Variants in CEP70 observed in about 807,000 individuals in gnomAD.
CEP70 encodes the protein centrosomal protein 70, also known as centrosomal protein of 70 kDa.
Under a neutral mutation model 90.9 loss-of-function variants are expected in CEP70, and 70 were observed. The ratio of observed to expected loss-of-function variants is 0.77; its 90% CI spans 0.64 to 0.94. The LOEUF (loss-of-function observed/expected upper bound fraction) is 0.94, where lower values mean the gene tolerates loss of function less well. Ranked by LOEUF, CEP70 falls within the 40% of genes least tolerant of loss-of-function variation. The pLI is 0.00. For synonymous variants in CEP70, 220 were observed against 228.3 expected, an observed-to-expected ratio of 0.96 and a Z score of 0.33; for missense variants, 648 against 669.0, an observed-to-expected ratio of 0.97 and a Z score of 0.35.
At chr3:138,495,575 G>C (rs1219142916) in intron 17 of CEP70, among the ~76,000 whole-genome samples, 3 of 152,142 alleles carry the variant, frequency 2.0e-5, no homozygotes, top group Non-Finnish European at 4.4e-5. Context: ...CTGCCAGCTG[G>C]GTGCAGTGGC....
chr3:138,498,117 A>G lies in CEP70; in HGVS notation c.1653-7T>C. On this transcript the variant is annotated splice_polypyrimidine_tract_variant and splice_region_variant and intron_variant, in intron 16 of 17. Coordinates refer to ENST00000264982, the MANE Select transcript of CEP70 (RefSeq NM_024491.4). ...TTCCAATTTGTAGATAATGCTGTTT[A>G]AAAAATGCACAATTTAAACCTGATT... The G allele has an allele frequency of 6.2e-7, 1 of 1,609,774 alleles. No homozygotes were observed. Among genetic ancestry groups the G allele is most frequent in the Non-Finnish European group, 8.5e-7 (1 of 1,177,590 alleles).
chr3:138,528,515 A>G (rs1482943199), intron 10 of CEP70, among the ~76,000 whole-genome samples: 1 of 152,220 alleles, frequency 6.6e-6, no homozygotes, highest in Non-Finnish European at 1.5e-5. Flanking sequence ...CAAAGGAGCT[A>G]GAATGGTGCA....
intron 7 of CEP70, among the ~76,000 whole-genome samples, chr3:138,536,439 T>A (rs2038270938): frequency 6.6e-6 from 1 of 152,040 alleles, no homozygotes; most frequent in Non-Finnish European, 1.5e-5. Flanking sequence ...CCTAACTGCA[T>A]TATAATTTGG....
chr3:138,529,442 C>A lies in CEP70; in HGVS notation c.713G>T (p.Ser238Ile). ...GTAGTCGTTTTCTTCTTCTGACTGA[C>A]TTTCATCTTCTTTATATTGCCTATG... ...HTQRQYKEDESQSEEENDYRN... is the reference protein window; with the variant it reads ...HTQRQYKEDEIQSEEENDYRN... The change falls in exon 9 of 18, where the codon AGT (serine) becomes ATT (isoleucine). Residue 238 changes from serine (S) to isoleucine (I), a missense_variant. Ser to Ile is a moderately radical substitution (Grantham distance 142, BLOSUM62 -2). Transcript: ENST00000264982. 1 of 1,605,706 alleles carries A rather than the reference C, an allele frequency of 6.2e-7. No individual in the cohort carries two copies. Among genetic ancestry groups the A allele is most frequent in the Non-Finnish European group, 8.5e-7 (1 of 1,174,638 alleles).
rs868846952 is a variant in CEP70 at position 138,540,303 on chromosome 3, C to T, written c.466-2956G>A. The stretch of plus-strand genomic sequence containing the variant: ...TGAGGCCAGGAGTTCGAGACCAGCC[C>T]GGCCAACATGGTGAAACCCACTCTC... On this transcript the variant is annotated intron_variant, in intron 6 of 17. Coordinates refer to ENST00000264982, the MANE Select transcript of CEP70 (RefSeq NM_024491.4). Among the ~76,000 whole-genome samples the T allele has an allele frequency of 5.9e-5, 9 of 151,914 alleles. No individual in the cohort carries two copies. The East Asian group carries it at 9.7e-4, about 16-fold the overall frequency.
chr3:138,523,094 C>T (rs185484092), intron 11 of CEP70, among the ~76,000 whole-genome samples: 3 of 152,228 alleles, frequency 2.0e-5, no homozygotes, highest in East Asian at 1.9e-4. Context: ...AAATGTAATC[C>T]GGCATATAAA....
intron 2 of CEP70, among the ~76,000 whole-genome samples, chr3:138,585,848 G>T (rs910104010): frequency 2.6e-5 from 4 of 152,134 alleles, no homozygotes; most frequent in Non-Finnish European, 2.9e-5. Context: ...AATGGAACTA[G>T]ACCCCTATCT....
At chr3:138,526,135 T>C (rs1336514719) in intron 10 of CEP70, among the ~76,000 whole-genome samples, 3 of 152,132 alleles carry the variant, frequency 2.0e-5, no homozygotes, top group Non-Finnish European at 4.4e-5. Flanking sequence ...GGTCCTTCTC[T>C]CCATTAAGGT....
intron 2 of CEP70, among the ~76,000 whole-genome samples, chr3:138,575,735 A>G (rs1052730384): frequency 2.0e-5 from 3 of 152,234 alleles, no homozygotes; most frequent in African/African-American, 7.2e-5. Context: ...GAAGCCCATC[A>G]GACTAACAGC....
intron 2 of CEP70, among the ~76,000 whole-genome samples, chr3:138,584,868 G>A (rs1302749900): frequency 6.6e-6 from 1 of 152,050 alleles, no homozygotes; most frequent in Non-Finnish European, 1.5e-5. Context: ...AAAACTGAAA[G>A]CCTTTCCTCT....
chr3:138,525,035 C>A (rs958393322), intron 11 of CEP70, among the ~76,000 whole-genome samples: 2 of 152,088 alleles, frequency 1.3e-5, no homozygotes, highest in Non-Finnish European at 2.9e-5. Flanking sequence ...CAATGATAGA[C>A]TGGATTAAGA....
chr3:138,512,062 C>A (rs1459599487), intron 11 of CEP70, among the ~76,000 whole-genome samples: 1 of 152,092 alleles, frequency 6.6e-6, no homozygotes, highest in Non-Finnish European at 1.5e-5. Flanking sequence ...CTGGAGATTG[C>A]CTCAGGATAT....
chr3:138,525,025 C>A (rs1033264863), intron 11 of CEP70, among the ~76,000 whole-genome samples: 1 of 152,240 alleles, frequency 6.6e-6, no homozygotes, highest in South Asian at 2.1e-4. Flanking sequence ...AAATGTCCAA[C>A]AATGATAGAC....
intron 11 of CEP70, among the ~76,000 whole-genome samples, 181 bp from the exon 12 acceptor site, chr3:138,508,725 A>G (rs1325796651): frequency 2.0e-5 from 3 of 151,838 alleles, no homozygotes; most frequent in Non-Finnish European, 2.9e-5. Context: ...GCATATATAG[A>G]GTTAAAAAAA....
At chr3:138,497,294 G>GA in intron 17 of CEP70, 2 of 1,258,484 alleles carry the variant, frequency 1.6e-6, no homozygotes, top group Non-Finnish European at 2.0e-6. Context: ...TTCATACCAA[G>GA]CTTCATCTCC....
Position 138,591,838 on chromosome 3 carries a change from G to A in CEP70, c.-6+16C>T, listed in dbSNP as rs1362633592. The A allele has an allele frequency of 2.9e-5, 45 of 1,531,286 alleles. No homozygotes were observed. Among genetic ancestry groups the A allele is most frequent in the Middle Eastern group, 1.7e-4 (1 of 5,992 alleles). The allele number at this position is 1,531,286 out of a possible 1,614,324, so 94.9% of individuals were successfully genotyped here. On this transcript the variant is annotated intron_variant, in intron 2 of 17. Coordinates refer to ENST00000264982, the MANE Select transcript of CEP70 (RefSeq NM_024491.4). ...GGCCTCCCAACATCTGGAGTCATCC[G>A]TTACATTAGACATACCTCAGTCATA...
intron 2 of CEP70, 107 bp downstream of exon 2, chr3:138,591,747 A>C: frequency 1.1e-6 from 1 of 914,110 alleles, no homozygotes; most frequent in Non-Finnish European, 1.7e-6. Flanking sequence ...GATTATCAGG[A>C]AGTCAAAAGG....
At chr3:138,590,990 T>C (rs2042354659) in intron 2 of CEP70, among the ~76,000 whole-genome samples, 1 of 152,200 alleles carries the variant, frequency 6.6e-6, no homozygotes, top group Admixed American at 6.5e-5. Context: ...TGGTATGTGA[T>C]TTATAACAAA....
intron 7 of CEP70, among the ~76,000 whole-genome samples, chr3:138,535,392 T>C (rs1398134976): frequency 2.0e-5 from 3 of 152,200 alleles, no homozygotes; most frequent in Non-Finnish European, 4.4e-5. Flanking sequence ...CCCCACCTTA[T>C]AGTACATACC....
Sources: allele counts gnomAD v4.1 joint callset (sites outside exome capture counted in the v4.1 genomes callset), GRCh38; gene constraint gnomAD v4.1.1; transcripts MANE v1.5; gene names NCBI Gene and HGNC (gene_info 2026-07-23, HGNC 2026-07-21).